The following SRPK2 variants were observed in gnomAD, a reference collection of about 807,000 sequenced individuals.
SRPK2 encodes the protein SRSF protein kinase 2.
SRPK2 carries 21 observed loss-of-function variants against 90.8 expected under a neutral mutation model. That is an observed-to-expected ratio of 0.23 (90% CI 0.16 to 0.33). SRPK2 has a LOEUF of 0.33. Ranked by LOEUF, SRPK2 falls within the 10% of genes least tolerant of loss-of-function variation. The probability of loss-of-function intolerance (pLI) is 1.00; values close to 1 mark genes in which losing one functional copy is unlikely to be tolerated. For missense variants in SRPK2, 620 were observed against 869.0 expected (o/e 0.71, Z 3.60); for synonymous variants, 288 against 311.1 (o/e 0.93, Z 0.78).
At chr7:105,290,332 AT>A (rs1808801023) in intron 2 of SRPK2, among the ~76,000 whole-genome samples, 2 of 150,646 alleles carry the variant, frequency 1.3e-5, no homozygotes, top group Middle Eastern at 3.2e-3. Context: ...CAAACAAAAA[AT>A]ATATATAAAA....
chr7:105,118,136 C>T (rs1799825506), intron 15 of SRPK2, 114 bp from the exon 16 acceptor site: 2 of 993,956 alleles, frequency 2.0e-6, no homozygotes, highest in Admixed American at 2.6e-5. Flanking sequence ...AACACTTGTA[C>T]AGCAACAACA....
chr7:105,218,014 G>A (rs1797667675), intron 2 of SRPK2, among the ~76,000 whole-genome samples: 1 of 152,186 alleles, frequency 6.6e-6, no homozygotes, highest in Admixed American at 6.5e-5. Flanking sequence ...AATTGAAGAG[G>A]CCTATGACGA....
intron 2 of SRPK2, among the ~76,000 whole-genome samples, chr7:105,328,178 C>G (rs1813815825): frequency 6.6e-6 from 1 of 152,154 alleles, no homozygotes; most frequent in Non-Finnish European, 1.5e-5. Flanking sequence ...TCAAAATCCC[C>G]AACTGCATCC....
intron 2 of SRPK2, among the ~76,000 whole-genome samples, chr7:105,334,280 C>A (rs1165228767): frequency 6.6e-6 from 1 of 152,170 alleles, no homozygotes; most frequent in Non-Finnish European, 1.5e-5. Flanking sequence ...TGGGGTTTCA[C>A]CACACTGGCC....
chr7:105,381,214 T>G (rs989937573), intron 2 of SRPK2, among the ~76,000 whole-genome samples: 6 of 152,004 alleles, frequency 3.9e-5, no homozygotes, highest in African/African-American at 1.4e-4. Flanking sequence ...ACTGCATTCC[T>G]GTCTGGGTGA....
intron 2 of SRPK2, among the ~76,000 whole-genome samples, chr7:105,236,332 A>G (rs1284642713): frequency 6.6e-6 from 1 of 152,192 alleles, no homozygotes; most frequent in South Asian, 2.1e-4. Flanking sequence ...TATTTCATTT[A>G]TTCTAATATG....
rs191965695 is a variant in SRPK2 at position 105,166,918 on chromosome 7, G to A, written c.514+459C>T. Among the ~76,000 whole-genome samples the A allele has an allele frequency of 3.9e-5, 6 of 152,268 alleles. No homozygotes were observed. The East Asian group carries it at 9.6e-4, about 24-fold the overall frequency. ...TATTCAGAACTAAGAGCAGTCAAGC[G>A]CCACCTTGGGATGTGGACATTTACA... On this transcript the variant is annotated intron_variant, in intron 6 of 15. Transcript: ENST00000393651.
intron 3 of SRPK2, among the ~76,000 whole-genome samples, chr7:105,192,889 G>T (rs891382038): frequency 6.6e-6 from 1 of 151,682 alleles, no homozygotes; most frequent in African/African-American, 2.4e-5. Flanking sequence ...CTTTTTCATG[G>T]GATTTTTTTT....
At chr7:105,157,974 G>T (rs1806780518) in intron 7 of SRPK2, among the ~76,000 whole-genome samples, 1 of 152,190 alleles carries the variant, frequency 6.6e-6, no homozygotes, top group African/African-American at 2.4e-5. Flanking sequence ...GCTGAGGTGG[G>T]AGGATCACTA....
chr7:105,318,533 C>T (rs2131505374), intron 2 of SRPK2, among the ~76,000 whole-genome samples: 1 of 152,266 alleles, frequency 6.6e-6, no homozygotes, highest in East Asian at 1.9e-4. Flanking sequence ...AGAGTCTGTC[C>T]TAAGAGCAAA....
intron 2 of SRPK2, among the ~76,000 whole-genome samples, chr7:105,377,700 A>C (rs932417214): frequency 1.3e-5 from 2 of 151,826 alleles, no homozygotes; most frequent in African/African-American, 4.8e-5. Context: ...ACCCCGTATC[A>C]AAAAAAAGAA....
intron 2 of SRPK2, among the ~76,000 whole-genome samples, chr7:105,388,154 G>A (rs1821850196): frequency 6.6e-6 from 1 of 152,246 alleles, no homozygotes; most frequent in Admixed American, 6.5e-5. Flanking sequence ...GCGGGGGCCG[G>A]GGAGGAAGGG....
chr7:105,387,251 T>G (rs529722298), intron 2 of SRPK2, among the ~76,000 whole-genome samples: 1 of 152,232 alleles, frequency 6.6e-6, no homozygotes, highest in Non-Finnish European at 1.5e-5. Context: ...GAGCTGTGAT[T>G]AAAACACAGT....
At chr7:105,191,788 A>G (rs1794311401) in intron 3 of SRPK2, among the ~76,000 whole-genome samples, 1 of 151,980 alleles carries the variant, frequency 6.6e-6, no homozygotes, top group Non-Finnish European at 1.5e-5. Flanking sequence ...TCAATCAACT[A>G]AGATTTCAAA....
chr7:105,168,745 A>ATG (rs58073613), intron 4 of SRPK2, among the ~76,000 whole-genome samples: 3,183 of 104,064 alleles, frequency 0.031, 98 homozygotes, highest in East Asian at 0.069. Context: ...CACGCACCAA[A>ATG]TGTGTGTGTG....
intron 2 of SRPK2, among the ~76,000 whole-genome samples, chr7:105,375,560 G>A (rs1202563637): frequency 3.3e-5 from 5 of 152,054 alleles, no homozygotes; most frequent in African/African-American, 4.8e-5. Flanking sequence ...CAGCGATCAA[G>A]GTAACCTGGA....
At position 105,212,514 on chromosome 7, in the gene SRPK2, C is replaced by T. The variant is rs931839819; in HGVS notation, c.72-8729G>A. Among the ~76,000 whole-genome samples the T allele has an allele frequency of 4.8e-4, 73 of 152,174 alleles. 1 individual carries two copies. The highest frequency in any genetic ancestry group is 1.6e-3 in the African/African-American group (65 of 41,436). On this transcript the variant is annotated intron_variant, in intron 2 of 15. Transcript: ENST00000393651. ...CAAAAGCACAGAGGCCCAAACTAAT[C>T]TGGTATGACTGGAGAGAGGAAAGAG...
At chr7:105,272,740 C>A (rs1310937970) in intron 2 of SRPK2, among the ~76,000 whole-genome samples, 2 of 152,140 alleles carry the variant, frequency 1.3e-5, no homozygotes, top group African/African-American at 2.4e-5. Context: ...AACCACATAT[C>A]CTCCATTTTC....
chr7:105,340,183 C>A (rs987606809), intron 2 of SRPK2, among the ~76,000 whole-genome samples: 3 of 151,626 alleles, frequency 2.0e-5, no homozygotes, highest in South Asian at 2.1e-4. Context: ...TAATCTCTAA[C>A]CTTTAAGATG....
Sources: allele counts gnomAD v4.1 joint callset (sites outside exome capture counted in the v4.1 genomes callset), GRCh38; gene constraint gnomAD v4.1.1; transcripts MANE v1.5; gene names NCBI Gene and HGNC (gene_info 2026-07-23, HGNC 2026-07-21).